PPP1R1C: variants seen among roughly 807,000 people sequenced by gnomAD.
The protein encoded by PPP1R1C is protein phosphatase 1 regulatory subunit 1C.
In PPP1R1C, 15 loss-of-function variants were observed where a neutral mutation model predicts 17.4. The ratio of observed to expected loss-of-function variants is 0.86; its 90% confidence interval spans 0.58 to 1.33. The LOEUF is 1.33. Among genes scored for constraint, PPP1R1C ranks in the 40% most tolerant of loss-of-function variants. PPP1R1C has a pLI of 0.00. For missense variants in PPP1R1C, 143 were observed against 130.0 expected (o/e 1.10, Z -0.48); for synonymous variants, 35 against 43.1 (o/e 0.81, Z 0.73).
intron 4 of PPP1R1C, among the ~76,000 whole-genome samples, chr2:182,103,232 TC>T (rs1253847536): frequency 6.6e-6 from 1 of 152,238 alleles, no homozygotes; most frequent in African/African-American, 2.4e-5. Context: ...AAACACTTTT[TC>T]CCCTAGTTAT....
intron 3 of PPP1R1C, among the ~76,000 whole-genome samples, chr2:182,063,172 G>T (rs1299987750): frequency 6.6e-6 from 1 of 151,784 alleles, no homozygotes; most frequent in Non-Finnish European, 1.5e-5. Flanking sequence ...AGTTTTATTA[G>T]GAAAGGACTT....
chr2:182,058,344 T>A (rs1403572085), intron 2 of PPP1R1C, among the ~76,000 whole-genome samples: 3 of 151,880 alleles, frequency 2.0e-5, no homozygotes, highest in African/African-American at 7.3e-5. Context: ...GCTTAAGGGG[T>A]TTGAGGAGGA....
At chr2:182,007,010 A>C (rs1301113361) in intron 2 of PPP1R1C, among the ~76,000 whole-genome samples, 1 of 152,136 alleles carries the variant, frequency 6.6e-6, no homozygotes, top group Non-Finnish European at 1.5e-5. Context: ...GTTTTTGTTT[A>C]TTTATGCGGA....
chr2:182,036,183 G>T (rs1034075290), intron 2 of PPP1R1C, among the ~76,000 whole-genome samples: 2 of 152,156 alleles, frequency 1.3e-5, no homozygotes, highest in Non-Finnish European at 2.9e-5. Context: ...TACAATCTCT[G>T]TAACTCTATT....
At chr2:182,056,710 G>T (rs944162567) in intron 2 of PPP1R1C, among the ~76,000 whole-genome samples, 3 of 152,062 alleles carry the variant, frequency 2.0e-5, no homozygotes, top group Non-Finnish European at 4.4e-5. Flanking sequence ...TCCTTTCCAT[G>T]GTTTTAGTTA....
At chr2:182,076,604 AC>A (rs1297441610) in intron 4 of PPP1R1C, among the ~76,000 whole-genome samples, 2 of 151,104 alleles carry the variant, frequency 1.3e-5, no homozygotes, top group South Asian at 2.1e-4. Flanking sequence ...GTCAATCAGA[AC>A]CCCCCCACCC....
intron 2 of PPP1R1C, among the ~76,000 whole-genome samples, chr2:182,019,560 T>C (rs1164712530): frequency 6.6e-6 from 1 of 152,200 alleles, no homozygotes; most frequent in Non-Finnish European, 1.5e-5. Flanking sequence ...CCCAAAATAC[T>C]TAGGGCAGGT....
chr2:182,121,462 C>T (rs891099080), downstream of PPP1R1C, among the ~76,000 whole-genome samples: 3 of 151,860 alleles, frequency 2.0e-5, no homozygotes, highest in South Asian at 4.2e-4. Flanking sequence ...TGATTAATCA[C>T]CCCACTTATT....
chr2:182,038,390 C>T (rs1687077373), intron 2 of PPP1R1C, among the ~76,000 whole-genome samples: 1 of 152,176 alleles, frequency 6.6e-6, no homozygotes, highest in Admixed American at 6.5e-5. Context: ...GATACATGGG[C>T]ACCTGGAGTA....
chr2:182,062,735 C>A (rs1008323861), intron 3 of PPP1R1C, among the ~76,000 whole-genome samples: 1 of 152,110 alleles, frequency 6.6e-6, no homozygotes, highest in Non-Finnish European at 1.5e-5. Context: ...GGAAAGAGGC[C>A]TCAAGCTCTA....
chr2:182,065,678 G>A (rs1055995695), intron 4 of PPP1R1C, among the ~76,000 whole-genome samples: 18 of 152,142 alleles, frequency 1.2e-4, no homozygotes, highest in Admixed American at 9.2e-4. Context: ...TTATGATTAT[G>A]CCTGTGAATA....
intron 5 of PPP1R1C, among the ~76,000 whole-genome samples, chr2:182,124,229 C>G (rs750390450): frequency 1.3e-5 from 2 of 151,562 alleles, no homozygotes; most frequent in African/African-American, 2.4e-5. Context: ...TGTTTTGGTA[C>G]CAGTACCATG....
chr2:181,976,913 G>A lies in PPP1R1C; in HGVS notation n.157+1649G>A, dbSNP rs1382504594. Among the ~76,000 whole-genome samples, 1 of 151,800 alleles carries A rather than the reference G, an allele frequency of 6.6e-6. No individual in the cohort carries two copies. Among genetic ancestry groups the A allele is most frequent in the South Asian group, 2.1e-4 (1 of 4,796 alleles). On this transcript the variant is annotated intron_variant and non_coding_transcript_variant, in intron 2 of 5. Transcript: ENST00000464264. This position sits in a 1 kb window ranked among gnomAD's most constrained non-coding sequence, Gnocchi z 4.8. ...AGCACTTTGGGATGCTGAGGCAGGT[G>A]GATCACTTGAGGCCAGGAGTTCAAG... is the stretch of plus-strand genomic sequence containing the variant.
chr2:181,975,565 T>G (rs1158506744), intron 2 of PPP1R1C, among the ~76,000 whole-genome samples: 2 of 152,014 alleles, frequency 1.3e-5, no homozygotes, highest in African/African-American at 4.8e-5. Context: ...AAAGAAAGAA[T>G]TAACAAAGCT....
chr2:181,982,779 C>A (rs1685216970), upstream of PPP1R1C, among the ~76,000 whole-genome samples: 1 of 152,100 alleles, frequency 6.6e-6, no homozygotes, highest in Admixed American at 6.5e-5. Context: ...CAAAGTAGGG[C>A]AAGATAGATA....
chr2:181,970,165 T>G (rs1684979798), intron 1 of PPP1R1C, among the ~76,000 whole-genome samples: 1 of 152,150 alleles, frequency 6.6e-6, no homozygotes, highest in African/African-American at 2.4e-5. Flanking sequence ...AGGTCATGTT[T>G]TCCTGGATGG....
At chr2:181,992,692 A>G (rs1190988069) in intron 2 of PPP1R1C, among the ~76,000 whole-genome samples, 1 of 134,642 alleles carries the variant, frequency 7.4e-6, no homozygotes, top group Non-Finnish European at 1.7e-5. Context: ...AAGGTAAAAT[A>G]GTTTTTTGAG....
At chr2:181,983,801 G>A (rs976250557), upstream of PPP1R1C, among the ~76,000 whole-genome samples, 1 of 152,142 alleles carries the variant, frequency 6.6e-6, no homozygotes, top group Non-Finnish European at 1.5e-5. Context: ...ATACAGAGAG[G>A]TGAGTTTAAA....
intron 2 of PPP1R1C, among the ~76,000 whole-genome samples, chr2:182,012,655 G>T (rs145408337): frequency 0.019 from 2,877 of 152,004 alleles, 93 homozygotes; most frequent in African/African-American, 0.066. Flanking sequence ...TTCGTTATTT[G>T]TTTTCTGGTT....
Sources: allele counts gnomAD v4.1 joint callset (sites outside exome capture counted in the v4.1 genomes callset), GRCh38; gene constraint gnomAD v4.1.1; non-coding constraint Gnocchi (gnomAD v3.1); transcripts MANE v1.5; gene names NCBI Gene and HGNC (gene_info 2026-07-23, HGNC 2026-07-21).